The following CNTN3 variants were observed in gnomAD, a reference collection of about 807,000 sequenced individuals.
CNTN3 encodes contactin-3.
CNTN3 carries 60 observed loss-of-function variants against 119.1 expected under a neutral mutation model. That is an observed-to-expected ratio of 0.50 (90% confidence interval 0.41 to 0.62). The LOEUF (loss-of-function observed/expected upper bound fraction) is 0.62, where lower values mean the gene tolerates loss of function less well. CNTN3 is among the 20% of genes least tolerant of loss of function. The probability of loss-of-function intolerance (pLI) is 0.00; values close to 1 mark genes in which losing one functional copy is unlikely to be tolerated. For missense variants in CNTN3, 1,101 were observed against 1,242.4 expected (o/e 0.89, Z 1.71); for synonymous variants, 450 against 438.7 (o/e 1.03, Z -0.32).
chr3:74,371,166 T>C, intron 6 of CNTN3, 30 bp downstream of exon 6: 1 of 1,550,808 alleles, frequency 6.4e-7, no homozygotes, highest in Non-Finnish European at 8.9e-7. Flanking sequence ...CCATTTACGC[T>C]CAGAAGTGCA....
intron 19 of CNTN3, among the ~76,000 whole-genome samples, chr3:74,286,394 G>T (rs1425235213): frequency 6.6e-6 from 1 of 151,858 alleles, no homozygotes; most frequent in Non-Finnish European, 1.5e-5. Context: ...AATGACAGAA[G>T]ATTTAAAAAA....
chr3:74,304,147 CTGTTAGT>C (rs1192914219), intron 13 of CNTN3, among the ~76,000 whole-genome samples: 2 of 152,072 alleles, frequency 1.3e-5, no homozygotes, highest in Non-Finnish European at 2.9e-5. Context: ...TGCATGTTCT[CTGTTAGT>C]TGTATTGCAT....
intron 3 of CNTN3, among the ~76,000 whole-genome samples, chr3:74,498,936 C>T (rs1346533465): frequency 6.6e-6 from 1 of 151,814 alleles, no homozygotes; most frequent in African/African-American, 2.4e-5. Flanking sequence ...GTCTCCCAAG[C>T]ACTCCTAAGA....
In CNTN3 at chr3:74,453,898, T is replaced by TTTTACA. The variant is rs1386258113; in HGVS notation, c.359-28964_359-28959dup. ...CTGAGAGAGAGTTTAATTTCTATTCTTTTACATTTGCTGAGGAGAGCTTTA... is the reference window on the plus strand; with the variant it reads ...CTGAGAGAGAGTTTAATTTCTATTCTTTTACATTTACATTTGCTGAGGAGAGCTTTA... On this transcript the variant is annotated intron_variant, in intron 4 of 22. Transcript: ENST00000263665. Among the ~76,000 whole-genome samples, 8 of 152,314 alleles carry TTTTACA rather than the reference T, an allele frequency of 5.3e-5. No homozygotes were observed. The East Asian group carries it at 1.2e-3, about 22-fold the overall frequency.
rs1703755480 is a variant in CNTN3 at position 74,535,764 on chromosome 3, T to C, written c.-80-14572A>G. Among the ~76,000 whole-genome samples, 4 of 152,222 alleles carry C rather than the reference T, an allele frequency of 2.6e-5. No homozygotes were observed. In the South Asian group the frequency reaches 8.3e-4, roughly 32 times the overall value. On this transcript the variant is annotated intron_variant, in intron 1 of 22. Transcript: ENST00000263665. ...TCTTTCAGTTTTTATTTTTGTAATA[T>C]ATTTTTTGATCTCCCAATTTTTAAC... is the stretch of plus-strand genomic sequence containing the variant.
chr3:74,561,214 A>T (rs1452338233), intron 1 of CNTN3, among the ~76,000 whole-genome samples: 2 of 131,412 alleles, frequency 1.5e-5, no homozygotes, highest in African/African-American at 4.1e-5. Flanking sequence ...AATCTTACTT[A>T]AAAAAAAAAC....
chr3:74,468,850 A>T (rs1343163706), intron 4 of CNTN3, among the ~76,000 whole-genome samples: 1 of 152,158 alleles, frequency 6.6e-6, no homozygotes, highest in Admixed American at 6.5e-5. Context: ...GGAGGGGTTT[A>T]AACATTATTT....
chr3:74,366,780 G>GTGTGTATATATATATATATATATATA (rs1447686332), intron 8 of CNTN3, among the ~76,000 whole-genome samples: 25 of 63,686 alleles, frequency 3.9e-4, no homozygotes, highest in Admixed American at 5.7e-4. Flanking sequence ...GTGTGTGTGT[G>GTGTGTATATATATATATATATATATA]TATATATATA....
intron 1 of CNTN3, among the ~76,000 whole-genome samples, chr3:74,537,391 A>C (rs1703781362): frequency 6.6e-6 from 1 of 152,156 alleles, no homozygotes; most frequent in South Asian, 2.1e-4. Flanking sequence ...TGGTCCACTG[A>C]ATCATAATTT....
chr3:74,480,939 T>C (rs952176927), intron 4 of CNTN3, among the ~76,000 whole-genome samples: 18 of 151,614 alleles, frequency 1.2e-4, no homozygotes, highest in African/African-American at 3.9e-4. Flanking sequence ...AGGGAGAAAG[T>C]AGTTCAACCA....
intron 5 of CNTN3, among the ~76,000 whole-genome samples, chr3:74,397,472 A>G (rs1030921679): frequency 4.6e-5 from 7 of 150,548 alleles, no homozygotes; most frequent in Non-Finnish European, 8.8e-5. Context: ...TGATCAATAA[A>G]TGTTCTATGT....
rs540193833 is a variant in CNTN3, at chr3:74,437,386, C to T, written c.359-12446G>A. Among the ~76,000 whole-genome samples, 95 of 151,912 alleles carry T rather than the reference C, an allele frequency of 6.3e-4. 1 individual carries two copies. The highest frequency in any genetic ancestry group is 2.1e-3 in the African/African-American group (89 of 41,414). ...CTGAGGCAGGAGAATGGCGTGAATC[C>T]GGGAGGCAGAGCTTGCAGTGAGCCG... On this transcript the variant is annotated intron_variant, in intron 4 of 22. Transcript: ENST00000263665.
At chr3:74,452,435 T>C (rs1413108926) in intron 4 of CNTN3, among the ~76,000 whole-genome samples, 1 of 146,880 alleles carries the variant, frequency 6.8e-6, no homozygotes, top group Non-Finnish European at 1.5e-5. Context: ...TGGGGTTTTC[T>C]AGATATACAA....
At chr3:74,502,737 C>T (rs1296858417) in intron 2 of CNTN3, among the ~76,000 whole-genome samples, 2 of 152,078 alleles carry the variant, frequency 1.3e-5, no homozygotes, top group Non-Finnish European at 2.9e-5. Flanking sequence ...GCATAAATGT[C>T]ACCTTCTCAG....
At chr3:74,460,196 C>A (rs1422516829) in intron 4 of CNTN3, among the ~76,000 whole-genome samples, 1 of 152,008 alleles carries the variant, frequency 6.6e-6, no homozygotes, top group Non-Finnish European at 1.5e-5. Flanking sequence ...TCAAGTGATT[C>A]TTCACATTTT....
chr3:74,392,888 A>G (rs538767676), intron 5 of CNTN3, among the ~76,000 whole-genome samples: 7 of 152,250 alleles, frequency 4.6e-5, no homozygotes, highest in Non-Finnish European at 8.8e-5. Context: ...GAGTTTTTAC[A>G]TATGTATTCA....
At chr3:74,512,310 A>G (rs1332699660) in intron 2 of CNTN3, among the ~76,000 whole-genome samples, 1 of 152,142 alleles carries the variant, frequency 6.6e-6, no homozygotes, top group African/African-American at 2.4e-5. Context: ...AGTTGTGAAT[A>G]CTGGTACCTG....
chr3:74,606,684 C>G (rs571020400), intron 1 of CNTN3, among the ~76,000 whole-genome samples: 1 of 152,176 alleles, frequency 6.6e-6, no homozygotes, highest in African/African-American at 2.4e-5. Flanking sequence ...AATTATGGCA[C>G]TATCAGATTA....
At chr3:74,301,332 A>G (rs1702448346) in intron 16 of CNTN3, 66 bp downstream of exon 16, 7 of 1,513,524 alleles carry the variant, frequency 4.6e-6, no homozygotes, top group Non-Finnish European at 5.4e-6. Context: ...CCTGGAGTTC[A>G]GGGCCAAGGG....
Sources: gnomAD v4.1 joint callset for allele counts (sites outside exome capture counted in the v4.1 genomes callset) on GRCh38, gnomAD v4.1.1 for gene constraint, MANE v1.5 for transcripts, NCBI Gene and HGNC (gene_info 2026-07-23, HGNC 2026-07-21) for gene names.